The following TSPOAP1 variants were observed in gnomAD, a reference collection of about 807,000 sequenced individuals.
TSPOAP1 encodes the protein TSPO associated protein 1, also known as peripheral-type benzodiazepine receptor-associated protein 1.
In TSPOAP1, 87 loss-of-function variants were observed where a neutral mutation model predicts 197.0. That is an observed-to-expected ratio of 0.44 (90% CI 0.37 to 0.53). TSPOAP1 has a LOEUF of 0.53. Ranked by LOEUF, TSPOAP1 falls within the 20% of genes least tolerant of loss-of-function variation. The pLI, the probability that TSPOAP1 is intolerant of heterozygous loss-of-function variation, is 0.00. For synonymous variants in TSPOAP1, 913 were observed against 998.9 expected (o/e 0.91, Z 1.62); for missense variants, 2,174 against 2,411.3 (o/e 0.90, Z 2.06).
chr17:58,305,712 C>T (rs1216822916), intron 27 of TSPOAP1, 69 bp from the exon 28 acceptor site: 31 of 1,426,436 alleles, frequency 2.2e-5, no homozygotes, highest in Admixed American at 5.6e-5. Context: ...TCTTCTGCCC[C>T]GGACCCCTGC....
At position 58,319,108 on chromosome 17, in the gene TSPOAP1, G is replaced by A. The variant is rs768647322; in HGVS notation, c.1681C>T (p.Arg561Trp). 21 of 1,538,050 alleles carry A rather than the reference G, an allele frequency of 1.4e-5. No individual in the cohort carries two copies. Among genetic ancestry groups the A allele is most frequent in the Admixed American group, 2.0e-5 (1 of 50,558 alleles). ...PCCCSIPQPC[R>W]GSGPKDLDLP... ...ACCTTACCTTTGGGGCCAGACCCCC[G>A]GCAAGGCTGGGGAATGGAGCAGCAG... is the stretch of plus-strand genomic sequence containing the variant. The change falls in exon 13 of 32, where the codon CGG (arginine) becomes TGG (tryptophan). Residue 561 changes from arginine (R) to tryptophan (W), a missense_variant. Coordinates refer to ENST00000343736, the MANE Select transcript of TSPOAP1 (RefSeq NM_004758.4).
chr17:58,305,195 CTG>C (rs773450537), intron 29 of TSPOAP1, 24 bp from the exon 30 acceptor site: 6 of 1,581,588 alleles, frequency 3.8e-6, no homozygotes, highest in Middle Eastern at 1.7e-4. Flanking sequence ...GCCGGTGAGA[CTG>C]AGATCAGGAA....
At position 58,306,917 on chromosome 17, in the gene TSPOAP1, G is replaced by T; in HGVS notation, c.5035C>A (p.Arg1679=). The change falls in exon 25 of 32, where the codon CGG becomes AGG. Residue 1679 remains arginine (R), a synonymous_variant. Transcript: ENST00000343736. ...ATGTTGCAGGGAATGTAGCCTGTCC[G>T]GCCCCCACCTTCGCCCTGGTAGAAG... The part of the protein sequence containing the change: ...DGFYQGEGGG[R]TGYIPCNMVA... The T allele has an allele frequency of 6.2e-7, 1 of 1,613,390 alleles. No homozygotes were observed. Among genetic ancestry groups the T allele is most frequent in the South Asian group, 1.1e-5 (1 of 91,080 alleles).
At chr17:58,302,494 TGACC>T in intron 31 of TSPOAP1, 47 bp from the exon 32 acceptor site, 3 of 1,170,298 alleles carry the variant, frequency 2.6e-6, no homozygotes, top group Non-Finnish European at 3.2e-6. Flanking sequence ...GATTCCCTCC[TGACC>T]CCCTGACCCA....
In TSPOAP1 at chr17:58,304,557, T is replaced by C; in HGVS notation, c.5545-158A>G. The C allele has an allele frequency of 1.5e-6, 1 of 654,288 alleles. No individual in the cohort carries two copies. 40.5% of individuals were successfully genotyped at this position (654,288 alleles called of 1,614,324 possible). The stretch of plus-strand genomic sequence containing the variant: ...AGTTTTCTGGCTGGGGCTTGGCCTC[T>C]TCACCCTCTCTCCCTGCCCTCTGAG... On this transcript the variant is annotated intron_variant, in intron 30 of 31. Coordinates refer to ENST00000343736, the MANE Select transcript of TSPOAP1 (RefSeq NM_004758.4). The surrounding 1 kb of genome is among the most constrained non-coding windows in gnomAD (Gnocchi z 4.2).
intron 17 of TSPOAP1, 69 bp downstream of exon 17, chr17:58,311,823 T>C: frequency 2.0e-6 from 3 of 1,483,958 alleles, no homozygotes; most frequent in Non-Finnish European, 2.7e-6. Flanking sequence ...AAGATCAGGG[T>C]CCCCTTCTTC....
rs1567846750 is a variant in TSPOAP1, at chr17:58,318,331, G to C, written c.1821C>G (p.Ser607=). 6.2e-7 allele frequency: 1 copy of C among 1,614,190 alleles called. No individual in the cohort carries two copies. Among genetic ancestry groups the C allele is most frequent in the South Asian group, 1.1e-5 (1 of 91,054 alleles). ...TGTTGTGGATGGACTCGGAGTGGGAGGAGTTGGAGAGAGACTCTGCCTTCT... is the reference window on the plus strand; with the variant it reads ...TGTTGTGGATGGACTCGGAGTGGGACGAGTTGGAGAGAGACTCTGCCTTCT... ...TAKKAESLSN[S]SHSESIHNSP... Residue 607 remains serine, a synonymous_variant, in exon 14 of 32, where the codon TCC becomes TCG. Transcript: ENST00000343736.
intron 27 of TSPOAP1, 61 bp from the exon 28 acceptor site, chr17:58,305,704 T>A: frequency 7.1e-7 from 1 of 1,405,394 alleles, no homozygotes; most frequent in Non-Finnish European, 9.9e-7. Flanking sequence ...CCATCCTGTC[T>A]TCTGCCCCGG....
rs1971731862 is a variant in TSPOAP1 at position 58,328,698 on chromosome 17, T to G, written c.-778A>C. The G allele has an allele frequency of 6.5e-6, 1 of 152,766 alleles. No individual in the cohort carries two copies. The highest frequency in any genetic ancestry group is 6.5e-5 in the Admixed American group (1 of 15,296). 9.5% of individuals were successfully genotyped at this position (152,766 alleles called of 1,614,324 possible). On this transcript the variant is annotated 5_prime_UTR_variant, in exon 1 of 32. Transcript: ENST00000343736. This position sits in a 1 kb window ranked among gnomAD's most constrained non-coding sequence, Gnocchi z 4.3. ...TCGATGGGCTGCTTGCCTCATAGTC[T>G]CAGCCCCTGCTGGCCTCTGCTCTGG...
rs530767640 is a variant in TSPOAP1, at chr17:58,310,624, C to T, written c.3587G>A (p.Gly1196Glu). 6.2e-7 allele frequency: 1 copy of T among 1,613,182 alleles called. No individual in the cohort carries two copies. Among genetic ancestry groups the T allele is most frequent in the Admixed American group, 1.7e-5 (1 of 60,024 alleles). ...LAKQEAEWTA[G>E]EACPASSSTQ... ...GGAGCTGGAGGCCGGACAGGCCTCT[C>T]CTGCAGTCCACTCGGCCTCCTGCTT... The change falls in exon 20 of 32, where the codon GGA becomes GAA. Residue 1196 changes from glycine (G) to glutamate (E), a missense_variant. Physicochemically the swap from Gly to Glu is moderately conservative, Grantham distance 98. Around this residue, in one of 5 missense-constraint regions of TSPOAP1, gnomAD observed 1,933 missense variants for 2,139.0 expected, o/e 0.90. Coordinates refer to ENST00000343736, the MANE Select transcript of TSPOAP1 (RefSeq NM_004758.4).
chr17:58,324,749 G>A lies in TSPOAP1; in HGVS notation c.942+62C>T. 1 of 1,339,080 alleles carries A rather than the reference G, an allele frequency of 7.5e-7. No individual in the cohort carries two copies. 82.9% of individuals were successfully genotyped at this position (1,339,080 alleles called of 1,614,324 possible). A position where few individuals can be genotyped will look rare whatever the true frequency, so the allele number is the denominator to read the frequency against. The stretch of plus-strand genomic sequence containing the variant: ...CTGAGCACGGTGCAGGGGAGATCCC[G>A]GTGGTCGTTCCCCCCACCCATCTGC... On this transcript the variant is annotated intron_variant, in intron 5 of 31. Transcript: ENST00000343736. The surrounding 1 kb of genome is among the most constrained non-coding windows in gnomAD (Gnocchi z 5.8).
Position 58,322,760 on chromosome 17 carries a change from G to T in TSPOAP1, c.1211C>A (p.Ala404Glu), listed in dbSNP as rs113550364. ...CCCCAGGAGCTGGCCCCTCAGCTCCGCATTCTCCCACTCCACCTGGCGAGG... is the reference window on the plus strand; with the variant it reads ...CCCCAGGAGCTGGCCCCTCAGCTCCTCATTCTCCCACTCCACCTGGCGAGG... Reference protein sequence around the residue: ...TEKEQVEWENAELRGQLLGVT... With the variant: ...TEKEQVEWENEELRGQLLGVT... Residue 404 changes from alanine to glutamate, a missense_variant, in exon 9 of 32, where the codon GCG (alanine) becomes GAG (glutamate). This residue lies in a region of TSPOAP1 where 1,933 missense variants were observed against 2,139.0 expected (regional missense o/e 0.90). Coordinates refer to ENST00000343736, the MANE Select transcript of TSPOAP1 (RefSeq NM_004758.4). The surrounding 1 kb of genome is among the most constrained non-coding windows in gnomAD (Gnocchi z 5.0). The T allele has an allele frequency of 8.1e-6, 13 of 1,612,552 alleles. No homozygotes were observed. The East Asian group carries it at 2.0e-4, about 25-fold the overall frequency.
At chr17:58,303,080 C>T (rs911675010) in intron 31 of TSPOAP1, 2 of 152,538 alleles carry the variant, frequency 1.3e-5, no homozygotes, top group Non-Finnish European at 2.9e-5. Flanking sequence ...TCAGCCCCCA[C>T]CACAGGCTCT....
chr17:58,311,330 A>G (rs1971071978), intron 18 of TSPOAP1, 117 bp from the exon 19 acceptor site: 1 of 1,437,562 alleles, frequency 7.0e-7, no homozygotes, highest in African/African-American at 1.4e-5. Context: ...TACGCCAGGT[A>G]CTGTGCTAAG....
Position 58,324,770 on chromosome 17 carries a change from T to TCAAAA in TSPOAP1, c.942+40_942+41insTTTTG. ...TCCCGGTGGTCGTTCCCCCCACCCA[T>TCAAAA]CTGCACGCACCCACACACCTGCCCT... On this transcript the variant is annotated intron_variant, in intron 5 of 31. Coordinates refer to ENST00000343736, the MANE Select transcript of TSPOAP1 (RefSeq NM_004758.4). The surrounding 1 kb of genome is among the most constrained non-coding windows in gnomAD (Gnocchi z 5.8). 1 of 1,360,036 alleles carries TCAAAA rather than the reference T, an allele frequency of 7.4e-7. No homozygotes were observed. The highest frequency in any genetic ancestry group is 9.5e-7 in the Non-Finnish European group (1 of 1,051,768). 84.2% of individuals were successfully genotyped at this position (1,360,036 alleles called of 1,614,324 possible).
rs1598053634 is a variant in TSPOAP1, at chr17:58,304,560, A to T, written c.5545-161T>A. The T allele has an allele frequency of 1.5e-6, 1 of 645,916 alleles. No homozygotes were observed. Among genetic ancestry groups the T allele is most frequent in the East Asian group, 2.7e-5 (1 of 37,472 alleles). The allele number at this position is 645,916 out of a possible 1,614,324, so 40.0% of individuals were successfully genotyped here. A position where few individuals can be genotyped will look rare whatever the true frequency, so the allele number is the denominator to read the frequency against. On this transcript the variant is annotated intron_variant, in intron 30 of 31. Transcript: ENST00000343736. The surrounding 1 kb of genome is among the most constrained non-coding windows in gnomAD (Gnocchi z 4.2). ...TTTCTGGCTGGGGCTTGGCCTCTTC[A>T]CCCTCTCTCCCTGCCCTCTGAGAGT...
chr17:58,311,380 A>G, intron 18 of TSPOAP1, 167 bp from the exon 19 acceptor site: 2 of 1,245,238 alleles, frequency 1.6e-6, no homozygotes, highest in Non-Finnish European at 2.2e-6. Context: ...TCCTGGCCAT[A>G]TGGCTTCAGT....
chr17:58,308,850 C>T lies in TSPOAP1; in HGVS notation c.4422G>A (p.Arg1474=). ...ASGRGRLGPS[R]RCSRGRALEP... ...CCAGCGCCCGGCCACGGGAGCACCTCCGGGAAGGGCCCAGCCGGCCTCTCC... is the reference window on the plus strand; with the variant it reads ...CCAGCGCCCGGCCACGGGAGCACCTTCGGGAAGGGCCCAGCCGGCCTCTCC... The change falls in exon 22 of 32, where the codon CGG becomes CGA. Residue 1474 remains arginine, a synonymous_variant. Transcript: ENST00000343736. The T allele has an allele frequency of 6.2e-7, 1 of 1,609,582 alleles. No homozygotes were observed.
chr17:58,306,746 T>C, intron 25 of TSPOAP1, 54 bp downstream of exon 25: 1 of 1,568,714 alleles, frequency 6.4e-7, no homozygotes, highest in Non-Finnish European at 8.7e-7. Flanking sequence ...CAGGGTCAGG[T>C]GGAGTTGGAA....
Sources: allele counts gnomAD v4.1 joint callset, GRCh38; gene constraint gnomAD v4.1.1; regional missense constraint gnomAD v4.1.1; non-coding constraint Gnocchi (gnomAD v3.1); transcripts MANE v1.5; gene names NCBI Gene and HGNC (gene_info 2026-07-23, HGNC 2026-07-21).